Variants in MACROD2 observed in about 807,000 individuals in gnomAD.
MACROD2 encodes the protein mono-ADP ribosylhydrolase 2.
In MACROD2, 36 loss-of-function variants were observed where a neutral mutation model predicts 70.4. The ratio of observed to expected loss-of-function variants is 0.51; its 90% CI spans 0.39 to 0.68. The LOEUF (loss-of-function observed/expected upper bound fraction) is 0.68. Ranked by LOEUF, MACROD2 falls within the 30% of genes least tolerant of loss-of-function variation. The pLI is 0.00. For missense variants in MACROD2, 496 were observed against 538.4 expected, an observed-to-expected ratio of 0.92 and a Z score of 0.78; for synonymous variants, 172 against 178.8, an observed-to-expected ratio of 0.96 and a Z score of 0.30.
intron 8 of MACROD2, among the ~76,000 whole-genome samples, chr20:15,676,890 T>A (rs1600744408): frequency 1.3e-5 from 2 of 152,226 alleles, no homozygotes; most frequent in Admixed American, 1.3e-4. Flanking sequence ...AGCCAGTTCC[T>A]GATTTGGCAA....
chr20:15,428,188 C>T (rs575781843), intron 6 of MACROD2, among the ~76,000 whole-genome samples: 97 of 152,296 alleles, frequency 6.4e-4, no homozygotes, highest in Admixed American at 9.8e-4. Context: ...TGAGGCAGGC[C>T]TCAGAGTTTC....
chr20:14,251,990 G>A (rs2082016776), intron 3 of MACROD2, among the ~76,000 whole-genome samples: 1 of 152,106 alleles, frequency 6.6e-6, no homozygotes, highest in Non-Finnish European at 1.5e-5. Context: ...TAATTTGGTT[G>A]TAAGCAATAA....
chr20:15,451,310 G>A (rs887641637), intron 7 of MACROD2, among the ~76,000 whole-genome samples: 1 of 147,580 alleles, frequency 6.8e-6, no homozygotes, highest in East Asian at 2.0e-4. Context: ...GAAGTACAAA[G>A]CATTTTAAAC....
intron 15 of MACROD2, among the ~76,000 whole-genome samples, chr20:16,005,175 G>A (rs1601311187): frequency 1.3e-5 from 2 of 152,150 alleles, no homozygotes; most frequent in African/African-American, 2.4e-5. Context: ...TGAAAAAAGA[G>A]CAAAAATAGG....
chr20:16,035,790 G>GTA (rs2067227440), intron 15 of MACROD2, among the ~76,000 whole-genome samples: 1 of 151,334 alleles, frequency 6.6e-6, no homozygotes, highest in African/African-American at 2.4e-5. Context: ...CCATCCACAT[G>GTA]AGCTGAGTCC....
intron 5 of MACROD2, among the ~76,000 whole-genome samples, chr20:14,807,391 A>G (rs1450014267): frequency 6.6e-6 from 1 of 152,152 alleles, no homozygotes; most frequent in Non-Finnish European, 1.5e-5. Flanking sequence ...AAGCAATATC[A>G]TCAACATCAA....
intron 3 of MACROD2, among the ~76,000 whole-genome samples, chr20:14,111,758 A>T (rs2054453706): frequency 6.6e-6 from 1 of 152,000 alleles, no homozygotes; most frequent in South Asian, 2.1e-4. Flanking sequence ...TACACTGTTG[A>T]TGGGAATGTA....
At chr20:15,525,490 T>A (rs2047709720) in intron 8 of MACROD2, among the ~76,000 whole-genome samples, 1 of 152,214 alleles carries the variant, frequency 6.6e-6, no homozygotes, top group South Asian at 2.1e-4. Flanking sequence ...CCATCATGTG[T>A]TGGCTTATAA....
At position 14,936,109 on chromosome 20, in the gene MACROD2, C is replaced by CA. The variant is rs546469694; in HGVS notation, c.418+251158dup. 1.2e-3 allele frequency among the ~76,000 whole-genome samples: 183 copies of CA among 151,618 alleles called. 4 individuals are homozygous for CA. The Middle Eastern group carries it at 0.024, about 20-fold the overall frequency. ...TTTCAAAAAGTAAATAAAACATCTG[C>CA]AAAAAAAATGTTAATATGAGTATGT... On this transcript the variant is annotated intron_variant, in intron 5 of 17. Coordinates refer to ENST00000684519, the MANE Select transcript of MACROD2 (RefSeq NM_001351661.2).
In MACROD2 at chr20:15,649,075, CCCCTTCCCTCCCCTT is replaced by C. The variant is rs1191593919; in HGVS notation, c.645+149233_645+149247del. Among the ~76,000 whole-genome samples, 251 of 67,062 alleles carry C rather than the reference CCCCTTCCCTCCCCTT, an allele frequency of 3.7e-3. 7 individuals carry two copies. The highest frequency in any genetic ancestry group is 0.022 in the East Asian group (34 of 1,512). The allele number at this position is 67,062 out of a possible 152,430, so 44.0% of individuals were successfully genotyped here. On this transcript the variant is annotated intron_variant, in intron 8 of 17. Coordinates refer to ENST00000684519, the MANE Select transcript of MACROD2 (RefSeq NM_001351661.2). Reference sequence around the variant, plus strand: ...TTGCTTTTTTCTTTTCTCCTCCCCTCCCCTTCCCTCCCCTTCCCTCCCCTCCCCTCCCCTTCCCTC... The same window carrying C: ...TTGCTTTTTTCTTTTCTCCTCCCCTCCCCTCCCCTCCCCTCCCCTTCCCTC...
At chr20:14,795,350 G>A (rs2072498097) in intron 5 of MACROD2, among the ~76,000 whole-genome samples, 1 of 152,094 alleles carries the variant, frequency 6.6e-6, no homozygotes, top group African/African-American at 2.4e-5. Context: ...AAGAGATAAA[G>A]ATGGTGGTTT....
chr20:15,203,654 ATGAAC>A (rs1468719584), intron 5 of MACROD2, among the ~76,000 whole-genome samples: 1 of 151,854 alleles, frequency 6.6e-6, no homozygotes, highest in Non-Finnish European at 1.5e-5. Flanking sequence ...TATATCTGAA[ATGAAC>A]TAAACTAAGA....
intron 8 of MACROD2, among the ~76,000 whole-genome samples, chr20:15,564,380 G>C (rs1005816722): frequency 1.3e-5 from 2 of 152,176 alleles, no homozygotes; most frequent in Admixed American, 6.5e-5. Flanking sequence ...TGATGAAAAA[G>C]ATGGTGTGCT....
intron 6 of MACROD2, among the ~76,000 whole-genome samples, chr20:15,324,074 A>G (rs1339344716): frequency 6.6e-6 from 1 of 152,138 alleles, no homozygotes; most frequent in Non-Finnish European, 1.5e-5. Flanking sequence ...GCTCCAGGAA[A>G]TACTTGCCCC....
intron 3 of MACROD2, among the ~76,000 whole-genome samples, chr20:14,476,308 C>G (rs1568630200): frequency 6.6e-6 from 1 of 152,138 alleles, no homozygotes; most frequent in Non-Finnish European, 1.5e-5. Flanking sequence ...TACTGAGCTA[C>G]TAATCACTTT....
Position 15,727,149 on chromosome 20 carries a change from ATCT to A in MACROD2, c.646-135592_646-135590del, listed in dbSNP as rs538056188. 2.5e-3 allele frequency among the ~76,000 whole-genome samples: 377 copies of A among 152,224 alleles called. 4 individuals are homozygous for A. The highest frequency in any genetic ancestry group is 3.3e-3 in the Admixed American group (50 of 15,272). On this transcript the variant is annotated intron_variant, in intron 8 of 17. Coordinates refer to ENST00000684519, the MANE Select transcript of MACROD2 (RefSeq NM_001351661.2). ...GCTATAAGGAAGGAGTTCAGTTTCA[ATCT>A]TCTGCATGTGGCTAGCCAGTTATCC...
chr20:15,961,652 G>T (rs1020427780), intron 12 of MACROD2, among the ~76,000 whole-genome samples: 6 of 152,166 alleles, frequency 3.9e-5, no homozygotes, highest in Admixed American at 3.9e-4. Flanking sequence ...TTCCTAAGAA[G>T]GTTCTTTCAG....
At chr20:14,201,962 AT>A in intron 3 of MACROD2, among the ~76,000 whole-genome samples, 3 of 152,094 alleles carry the variant, frequency 2.0e-5, no homozygotes, top group African/African-American at 7.2e-5. Flanking sequence ...ATGTAATTTA[AT>A]ATTTCAAGAA....
chr20:15,785,677 A>C (rs1320722977), intron 8 of MACROD2, among the ~76,000 whole-genome samples: 1 of 152,136 alleles, frequency 6.6e-6, no homozygotes, highest in African/African-American at 2.4e-5. Context: ...AAAGGCTTTT[A>C]GCTGAGTTTC....
Sources: gnomAD v4.1 joint callset for allele counts (sites outside exome capture counted in the v4.1 genomes callset) on GRCh38, gnomAD v4.1.1 for gene constraint, MANE v1.5 for transcripts, NCBI Gene and HGNC (gene_info 2026-07-23, HGNC 2026-07-21) for gene names.